Variants in SHPK observed in about 807,000 individuals in gnomAD.
SHPK encodes sedoheptulokinase, also known as carbohydrate kinase-like protein.
Under a neutral mutation model 46.3 loss-of-function variants are expected in SHPK, and 51 were observed. The ratio of observed to expected loss-of-function variants is 1.10; its 90% CI spans 0.88 to 1.39. The LOEUF (loss-of-function observed/expected upper bound fraction) is 1.39. SHPK is among the 40% of genes most tolerant of loss of function. The pLI is 0.00. For synonymous variants in SHPK, 290 were observed against 273.9 expected, an observed-to-expected ratio of 1.06 and a Z score of -0.58; for missense variants, 668 against 641.3, an observed-to-expected ratio of 1.04 and a Z score of -0.45.
At chr17:3,611,442 AC>A (rs2075339195) in intron 6 of SHPK, among the ~76,000 whole-genome samples, 1 of 151,896 alleles carries the variant, frequency 6.6e-6, no homozygotes. Flanking sequence ...GGTGGCAGGC[AC>A]CTGTAATCCC....
intron 6 of SHPK, among the ~76,000 whole-genome samples, chr17:3,615,083 G>T (rs2075364075): frequency 6.6e-6 from 1 of 152,114 alleles, no homozygotes; most frequent in Non-Finnish European, 1.5e-5. Flanking sequence ...AGACTGTTAG[G>T]AAGGTTCACA....
At chr17:3,625,735 T>C (rs892886470) in intron 2 of SHPK, among the ~76,000 whole-genome samples, 1 of 152,236 alleles carries the variant, frequency 6.6e-6, no homozygotes. Flanking sequence ...GGAGGTAGTT[T>C]GTTGTGCCGC....
At position 3,610,385 on chromosome 17, in the gene SHPK, C is replaced by A; in HGVS notation, c.*175G>T. 1 of 656,604 alleles carries A rather than the reference C, an allele frequency of 1.5e-6. No homozygotes were observed. The highest frequency in any genetic ancestry group is 2.2e-5 in the South Asian group (1 of 45,442). 40.7% of individuals were successfully genotyped at this position (656,604 alleles called of 1,614,324 possible). On this transcript the variant is annotated 3_prime_UTR_variant, in exon 7 of 7. Coordinates refer to ENST00000225519, the MANE Select transcript of SHPK (RefSeq NM_013276.4). ...TTGGGATCTGGCTGACGGCTCCTGG[C>A]TGCATTATTAGAGTATGTTCTGAAG...
intron 4 of SHPK, chr17:3,622,565 G>C (rs1483095211): frequency 4.5e-5 from 44 of 984,700 alleles, no homozygotes; most frequent in Non-Finnish European, 4.8e-5. Context: ...GGTGCTTTTT[G>C]TTTTATTTCA....
Position 3,615,422 on chromosome 17 carries a change from G to A in SHPK, c.939C>T (p.Thr313=). The part of the protein sequence containing the change: ...PVAYFPYFNR[T]YLGVAASLNG... The stretch of plus-strand genomic sequence containing the variant: ...TGAGTGACGCGGCCACCCCCAGGTA[G>A]GTCCTGTTGAAGTATGGGAAGTAGG... The change falls in exon 6 of 7, where the codon ACC becomes ACT. Residue 313 remains threonine (T), a synonymous_variant. Transcript: ENST00000225519. 1.2e-6 allele frequency: 2 copies of A among 1,614,218 alleles called. No homozygotes were observed.
At chr17:3,617,907 G>A (rs994244793) in intron 5 of SHPK, among the ~76,000 whole-genome samples, 5 of 152,166 alleles carry the variant, frequency 3.3e-5, no homozygotes, top group African/African-American at 9.7e-5. Context: ...TTATGCCTTC[G>A]TCAAAATCTT....
chr17:3,630,169 G>A (rs1242850355), intron 2 of SHPK, 36 bp downstream of exon 2: 1 of 1,612,994 alleles, frequency 6.2e-7, no homozygotes, highest in East Asian at 2.2e-5. Flanking sequence ...GGAAGTGACT[G>A]CTACCAGCCT....
At chr17:3,622,132 GTTGT>G (rs1387253373) in intron 4 of SHPK, among the ~76,000 whole-genome samples, 3 of 152,192 alleles carry the variant, frequency 2.0e-5, no homozygotes, top group East Asian at 3.9e-4. Context: ...CTTTTTTGTT[GTTGT>G]TTGTTTGTTT....
intron 4 of SHPK, chr17:3,622,483 C>T (rs1018904908): frequency 1.8e-6 from 1 of 555,020 alleles, no homozygotes. Context: ...ACGTGTTAGT[C>T]ACTCAGGGTT....
At chr17:3,619,271 T>C (rs2150869380) in intron 5 of SHPK, 1 of 766,248 alleles carries the variant, frequency 1.3e-6, no homozygotes, top group East Asian at 3.0e-5. Flanking sequence ...AAGAAGCTGC[T>C]TTTTCAATAA....
intron 5 of SHPK, chr17:3,619,400 T>A (rs1183649574): frequency 2.0e-5 from 31 of 1,553,398 alleles, no homozygotes; most frequent in Non-Finnish European, 2.7e-5. Context: ...TCTCTGCTTG[T>A]AGGGCAACTC....
intron 5 of SHPK, chr17:3,619,906 G>A (rs2075390266): frequency 1.3e-5 from 3 of 237,000 alleles, no homozygotes; most frequent in South Asian, 5.7e-5. Context: ...GCCTCCCAGC[G>A]CCGCCAAGCG....
chr17:3,635,905 C>T, intron 1 of SHPK, 147 bp downstream of exon 1: 1 of 793,534 alleles, frequency 1.3e-6, no homozygotes, highest in South Asian at 1.9e-5. Context: ...AGCACAGCTG[C>T]TGCAGGCAGA....
chr17:3,610,332 A>G lies in SHPK; in HGVS notation c.*228T>C, dbSNP rs2075328629. On this transcript the variant is annotated 3_prime_UTR_variant, in exon 7 of 7. Coordinates refer to ENST00000225519, the MANE Select transcript of SHPK (RefSeq NM_013276.4). ...ACATGGACATTTGTAAATAGCTCCC[A>G]GGTGGGTCAATTTCGGAAGGCACTC... The G allele has an allele frequency of 7.4e-6, 4 of 539,904 alleles. No individual in the cohort carries two copies. The Admixed American group carries it at 1.2e-4, about 17-fold the overall frequency. 33.4% of individuals were successfully genotyped at this position (539,904 alleles called of 1,614,324 possible). A position where few individuals can be genotyped will look rare whatever the true frequency, so the allele number is the denominator to read the frequency against.
chr17:3,635,321 C>T (rs375632854), intron 1 of SHPK, among the ~76,000 whole-genome samples: 1 of 151,830 alleles, frequency 6.6e-6, no homozygotes, highest in Non-Finnish European at 1.5e-5. Flanking sequence ...CTGCAAGCTC[C>T]GCCTCCCGGG....
chr17:3,623,586 T>C (rs1404923842), intron 3 of SHPK, 95 bp from the exon 4 acceptor site: 6 of 1,278,116 alleles, frequency 4.7e-6, no homozygotes, highest in Admixed American at 3.4e-5. Context: ...AGCTGTGCCA[T>C]GGCCAGGTGG....
chr17:3,636,234 G>A lies in SHPK; in HGVS notation c.-15C>T, dbSNP rs764985596. Reference sequence around the variant, plus strand: ...CGCGCAGCCATTATCTCCCTGACCCGCGCAGCTCCAGTCTGCAGCCAGCGG... The same window carrying A: ...CGCGCAGCCATTATCTCCCTGACCCACGCAGCTCCAGTCTGCAGCCAGCGG... On this transcript the variant is annotated 5_prime_UTR_variant, in exon 1 of 7. Transcript: ENST00000225519. 8.2e-6 allele frequency: 13 copies of A among 1,589,144 alleles called. No individual in the cohort carries two copies. Among genetic ancestry groups the A allele is most frequent in the African/African-American group, 1.4e-5 (1 of 73,684 alleles).
At position 3,636,076 on chromosome 17, in the gene SHPK, G is replaced by C. The variant is rs1371397529; in HGVS notation, c.144C>G (p.Val48=). The change falls in exon 1 of 7, where the codon GTC becomes GTG. Residue 48 remains valine, a synonymous_variant. Transcript: ENST00000225519. ...CCTGGGGCCCGGCCACCGCGCTCTC[G>C]ACCGCCGCCTCTGCCCGCGCAGCAC... ...CARAARAEAA[V]ESAVAGPQGR... is the part of the protein sequence containing the mutation. The C allele has an allele frequency of 6.3e-7, 1 of 1,586,734 alleles. No individual in the cohort carries two copies.
chr17:3,623,325 GA>G lies in SHPK; in HGVS notation c.647+13del. The stretch of plus-strand genomic sequence containing the variant: ...TGGAGCAGGAGGAACAGCCTGCAAG[GA>G]TGTGATACTCACGTCTCTACGTTCC... On this transcript the variant is annotated intron_variant, in intron 4 of 6. Transcript: ENST00000225519. 2 of 1,613,850 alleles carry G rather than the reference GA, an allele frequency of 1.2e-6. No individual in the cohort carries two copies. The highest frequency in any genetic ancestry group is 1.7e-6 in the Non-Finnish European group (2 of 1,179,822).
Sources: gnomAD v4.1 joint callset for allele counts (sites outside exome capture counted in the v4.1 genomes callset) on GRCh38, gnomAD v4.1.1 for gene constraint, MANE v1.5 for transcripts, NCBI Gene and HGNC (gene_info 2026-07-23, HGNC 2026-07-21) for gene names.